The following IL1RAPL1 variants were observed in gnomAD, a reference collection of about 807,000 sequenced individuals.
The protein encoded by IL1RAPL1 is interleukin-1 receptor accessory protein-like 1.
IL1RAPL1 carries 3 observed loss-of-function variants against 48.4 expected under a neutral mutation model. The ratio of observed to expected loss-of-function variants is 0.06; its 90% CI spans 0.03 to 0.16. The LOEUF is 0.16. Among genes scored for constraint, IL1RAPL1 ranks in the 10% least tolerant of loss-of-function variants. IL1RAPL1 has a pLI of 1.00. For missense variants in IL1RAPL1, 349 were observed against 530.6 expected (o/e 0.66, Z 3.36); for synonymous variants, 185 against 187.7 (o/e 0.99, Z 0.12).
At chrX:29,201,434 T>A (rs1304242866) in intron 2 of IL1RAPL1, among the ~76,000 whole-genome samples, 1 of 111,730 alleles carries the variant, frequency 9.0e-6, no homozygotes, top group East Asian at 2.8e-4. Flanking sequence ...AAAAAAAATA[T>A]GACGTTGTCT....
At chrX:29,614,051 C>T (rs906297949) in intron 5 of IL1RAPL1, among the ~76,000 whole-genome samples, 3 of 110,602 alleles carry the variant, frequency 2.7e-5, no homozygotes, top group African/African-American at 9.9e-5. Flanking sequence ...CGTGAGCCAC[C>T]GTGCCTGGCA....
At chrX:29,028,700 C>T (rs1266359984) in intron 2 of IL1RAPL1, among the ~76,000 whole-genome samples, 1 of 111,105 alleles carries the variant, frequency 9.0e-6, no homozygotes, top group Non-Finnish European at 1.9e-5. Context: ...AACACAATAT[C>T]CTCCAGTTTT....
At chrX:29,087,291 C>A (rs774892702) in intron 2 of IL1RAPL1, among the ~76,000 whole-genome samples, 2 of 109,606 alleles carry the variant, frequency 1.8e-5, no homozygotes, top group African/African-American at 6.7e-5. Flanking sequence ...GCGCATGCCA[C>A]CATACCCAGC....
chrX:29,720,698 C>A (rs754930785), intron 6 of IL1RAPL1, among the ~76,000 whole-genome samples: 17 of 110,710 alleles, frequency 1.5e-4, no homozygotes. Context: ...CACATGTATA[C>A]CTATGTAACA....
intron 2 of IL1RAPL1, among the ~76,000 whole-genome samples, chrX:29,093,415 A>G (rs1928133128): frequency 9.0e-6 from 1 of 111,261 alleles, no homozygotes; most frequent in African/African-American, 3.3e-5. Context: ...ACAGCATCAA[A>G]GGGGAAATCT....
At chrX:29,647,945 G>T (rs777784692) in intron 5 of IL1RAPL1, among the ~76,000 whole-genome samples, 2 of 111,399 alleles carry the variant, frequency 1.8e-5, no homozygotes, top group South Asian at 7.6e-4. Context: ...GACTGAAAGT[G>T]AAAGTATGAA....
chrX:29,333,432 G>T (rs575479664), intron 3 of IL1RAPL1, among the ~76,000 whole-genome samples: 3 of 92,712 alleles, frequency 3.2e-5, no homozygotes, highest in Admixed American at 1.1e-4. Flanking sequence ...CCTCCCGGAC[G>T]GGGCGGCTGG....
At chrX:29,643,042 T>C (rs1207537693) in intron 5 of IL1RAPL1, among the ~76,000 whole-genome samples, 1 of 112,637 alleles carries the variant, frequency 8.9e-6, no homozygotes, top group Non-Finnish European at 1.9e-5. Context: ...ATTAAATTAA[T>C]ATATCACTAA....
At chrX:29,379,542 A>C (rs1012124827) in intron 3 of IL1RAPL1, among the ~76,000 whole-genome samples, 1 of 111,829 alleles carries the variant, frequency 8.9e-6, no homozygotes, top group Non-Finnish European at 1.9e-5. Context: ...CTGCCAGCTC[A>C]AATGTCTGTG....
intron 2 of IL1RAPL1, among the ~76,000 whole-genome samples, chrX:28,980,019 A>G (rs1207683623): frequency 8.9e-6 from 1 of 112,120 alleles, no homozygotes; most frequent in African/African-American, 3.2e-5. Flanking sequence ...TATAGTGTAG[A>G]AATGTTCATC....
intron 5 of IL1RAPL1, among the ~76,000 whole-genome samples, chrX:29,419,293 A>G (rs1934261564): frequency 1.8e-5 from 2 of 111,438 alleles, no homozygotes; most frequent in South Asian, 3.7e-4. Context: ...AATAATCTCT[A>G]GTCATTAATT....
At chrX:29,314,983 A>G (rs781148737) in intron 3 of IL1RAPL1, among the ~76,000 whole-genome samples, 3 of 112,118 alleles carry the variant, frequency 2.7e-5, no homozygotes, top group African/African-American at 9.7e-5. Flanking sequence ...AATAGGAATA[A>G]CATGCCAAGG....
intron 2 of IL1RAPL1, among the ~76,000 whole-genome samples, chrX:29,111,194 T>C (rs1928558057): frequency 9.0e-6 from 1 of 111,588 alleles, no homozygotes. Context: ...CTACCAAATG[T>C]TCATCTTTTC....
At chrX:29,040,386 G>A (rs1926820682) in intron 2 of IL1RAPL1, among the ~76,000 whole-genome samples, 1 of 111,955 alleles carries the variant, frequency 8.9e-6, no homozygotes, top group African/African-American at 3.2e-5. Context: ...AACTGCACAA[G>A]GATCATCTGG....
intron 2 of IL1RAPL1, among the ~76,000 whole-genome samples, chrX:29,031,586 T>A (rs1365486256): frequency 8.9e-5 from 10 of 112,235 alleles, no homozygotes; most frequent in African/African-American, 3.2e-4. Context: ...CCTTTAAGTT[T>A]GCATCAAAAG....
At chrX:29,361,120 A>T (rs1026577278) in intron 3 of IL1RAPL1, among the ~76,000 whole-genome samples, 2 of 111,914 alleles carry the variant, frequency 1.8e-5, no homozygotes, top group Non-Finnish European at 3.8e-5. Context: ...AACCTAGCCA[A>T]CCACAGCTGA....
chrX:29,484,533 C>A (rs7052807), intron 5 of IL1RAPL1, among the ~76,000 whole-genome samples: 14,755 of 111,423 alleles, frequency 0.13, 1,795 homozygotes, highest in African/African-American at 0.39. Flanking sequence ...TAATAAGTGA[C>A]ATGAAGACTG....
intron 2 of IL1RAPL1, among the ~76,000 whole-genome samples, chrX:29,199,480 G>T (rs2147532765): frequency 9.0e-6 from 1 of 111,569 alleles, no homozygotes; most frequent in African/African-American, 3.3e-5. Context: ...TTGGCACCGG[G>T]GACTGGTTTC....
chrX:29,382,336 T>G (rs1377008815), intron 3 of IL1RAPL1, among the ~76,000 whole-genome samples: 1 of 112,154 alleles, frequency 8.9e-6, no homozygotes, highest in Non-Finnish European at 1.9e-5. Flanking sequence ...CTGAAAATCA[T>G]GGATACAGTA....
Sources: allele counts gnomAD v4.1 joint callset (sites outside exome capture counted in the v4.1 genomes callset), GRCh38; gene constraint gnomAD v4.1.1; transcripts MANE v1.5; gene names NCBI Gene and HGNC (gene_info 2026-07-23, HGNC 2026-07-21).